Variants in SNX29 observed in about 807,000 individuals in gnomAD.
SNX29 encodes the protein sorting nexin-29.
In SNX29, 78 loss-of-function variants were observed where a neutral mutation model predicts 102.1. That is an observed-to-expected ratio of 0.76 (90% confidence interval 0.64 to 0.92). The LOEUF (loss-of-function observed/expected upper bound fraction) is 0.92. Among genes scored for constraint, SNX29 ranks in the 40% least tolerant of loss-of-function variants. The probability of loss-of-function intolerance (pLI) is 0.00; values close to 1 mark genes in which losing one functional copy is unlikely to be tolerated. For missense variants in SNX29, 1,280 were observed against 1,061.7 expected, an observed-to-expected ratio of 1.21 and a Z score of -2.86; for synonymous variants, 580 against 414.5, an observed-to-expected ratio of 1.40 and a Z score of -4.85.
At chr16:12,044,043 T>C (rs765967335) in intron 5 of SNX29, among the ~76,000 whole-genome samples, 6 of 152,222 alleles carry the variant, frequency 3.9e-5, no homozygotes, top group Non-Finnish European at 5.9e-5. Context: ...CGTGAGCCAC[T>C]GTGGCTGGCC....
At chr16:12,113,751 A>G (rs2053584246) in intron 11 of SNX29, among the ~76,000 whole-genome samples, 1 of 152,180 alleles carries the variant, frequency 6.6e-6, no homozygotes, top group African/African-American at 2.4e-5. Flanking sequence ...AGGGCTTTAG[A>G]CGGGTCGGGG....
chr16:12,426,245 T>C (rs2151608429), intron 18 of SNX29, among the ~76,000 whole-genome samples: 1 of 152,308 alleles, frequency 6.6e-6, no homozygotes, highest in South Asian at 2.1e-4. Context: ...ACATCCATCA[T>C]GGGTCAGCTG....
intron 14 of SNX29, among the ~76,000 whole-genome samples, chr16:12,226,824 C>A (rs1243774101): frequency 2.6e-5 from 4 of 152,112 alleles, no homozygotes; most frequent in African/African-American, 9.7e-5. Flanking sequence ...ATTATCTGCC[C>A]ACCTTGGCCT....
chr16:12,085,705 C>G (rs1196057695), intron 11 of SNX29, among the ~76,000 whole-genome samples: 1 of 152,010 alleles, frequency 6.6e-6, no homozygotes, highest in Non-Finnish European at 1.5e-5. Flanking sequence ...AAAATAGAAG[C>G]TAGTAAAAGT....
chr16:12,067,953 C>T (rs147027811), intron 9 of SNX29, among the ~76,000 whole-genome samples: 1 of 152,232 alleles, frequency 6.6e-6, no homozygotes, highest in Non-Finnish European at 1.5e-5. Context: ...TACTTATGGC[C>T]CCAGCTCTTG....
At chr16:12,123,799 G>T (rs2054085232) in intron 11 of SNX29, among the ~76,000 whole-genome samples, 1 of 152,148 alleles carries the variant, frequency 6.6e-6, no homozygotes, top group Admixed American at 6.5e-5. Context: ...TTCTGGAAAG[G>T]GCTGGACAGT....
intron 16 of SNX29, among the ~76,000 whole-genome samples, chr16:12,380,870 TATCCATCCACCCACC>T (rs1249340294): frequency 8.2e-5 from 1 of 12,260 alleles, no homozygotes; most frequent in African/African-American, 2.1e-4. Context: ...ACCCACCATC[TATCCATCCACCCACC>T]ATCCATCCAC....
intron 20 of SNX29, among the ~76,000 whole-genome samples, chr16:12,561,572 C>G (rs1000160449): frequency 5.3e-5 from 8 of 152,140 alleles, no homozygotes; most frequent in Non-Finnish European, 7.4e-5. Context: ...TGAGGCTGTC[C>G]GATTAATGTC....
At chr16:11,990,277 T>G (rs1216063376) in intron 1 of SNX29, among the ~76,000 whole-genome samples, 3 of 152,260 alleles carry the variant, frequency 2.0e-5, no homozygotes, top group Admixed American at 6.5e-5. Flanking sequence ...GTTTTCAGCC[T>G]CTCTTGAAAA....
intron 18 of SNX29, among the ~76,000 whole-genome samples, chr16:12,468,608 T>G (rs781305319): frequency 1.5e-4 from 23 of 152,192 alleles, no homozygotes; most frequent in South Asian, 8.6e-4. Flanking sequence ...TGGGTGATTA[T>G]TGGCATCAGG....
intron 18 of SNX29, among the ~76,000 whole-genome samples, chr16:12,435,172 G>A (rs1300902760): frequency 1.3e-5 from 2 of 152,168 alleles, no homozygotes; most frequent in South Asian, 2.1e-4. Context: ...CTGCCTCTCC[G>A]TCTTTCTTCC....
rs773253386 is a variant in SNX29, at chr16:12,572,166, C to T, written c.*3537C>T. 694 of 981,300 alleles carry T rather than the reference C, an allele frequency of 7.1e-4. 1 individual carries two copies. Among genetic ancestry groups the T allele is most frequent in the Non-Finnish European group, 8.3e-4 (671 of 803,664 alleles). 60.8% of individuals were successfully genotyped at this position (981,300 alleles called of 1,614,324 possible). ...AGCTTATTAAGATCAATTTTGATAA[C>T]CATGTAATTTCTTAGAACCATGGCA... On this transcript the variant is annotated 3_prime_UTR_variant, in exon 21 of 21. Transcript: ENST00000566228.
At chr16:12,008,731 GTTTTTTT>G (rs57686878) in intron 3 of SNX29, among the ~76,000 whole-genome samples, 1 of 139,954 alleles carries the variant, frequency 7.1e-6, no homozygotes. Context: ...ATTGTATTTA[GTTTTTTT>G]TTTTTTTTTC....
intron 1 of SNX29, among the ~76,000 whole-genome samples, chr16:11,997,778 C>T (rs2056140525): frequency 6.6e-6 from 1 of 152,170 alleles, no homozygotes; most frequent in Non-Finnish European, 1.5e-5. Context: ...TGTACCCGGC[C>T]TTCTAGTAGG....
At chr16:12,511,212 C>T (rs1486307585) in intron 19 of SNX29, among the ~76,000 whole-genome samples, 1 of 152,032 alleles carries the variant, frequency 6.6e-6, no homozygotes, top group Non-Finnish European at 1.5e-5. Context: ...TTAGCAAAGC[C>T]GCAGGTCTCC....
chr16:12,204,658 A>G (rs1342041001), intron 14 of SNX29, among the ~76,000 whole-genome samples: 1 of 152,236 alleles, frequency 6.6e-6, no homozygotes, highest in East Asian at 1.9e-4. Flanking sequence ...AGTGGGAGGA[A>G]CTTGACAGAT....
intron 13 of SNX29, among the ~76,000 whole-genome samples, chr16:12,153,257 T>C (rs753903481): frequency 1.3e-4 from 20 of 151,950 alleles, no homozygotes; most frequent in Non-Finnish European, 2.8e-4. Flanking sequence ...AGCAAGACCC[T>C]GTCTCTGAAT....
At chr16:11,978,717 A>G (rs541135689) in intron 1 of SNX29, among the ~76,000 whole-genome samples, 148 of 152,304 alleles carry the variant, frequency 9.7e-4, no homozygotes, top group African/African-American at 3.4e-3. Context: ...TTAGCACAAG[A>G]GACAATGAAA....
At chr16:12,222,829 A>G (rs1407118688) in intron 14 of SNX29, among the ~76,000 whole-genome samples, 1 of 152,092 alleles carries the variant, frequency 6.6e-6, no homozygotes, top group Non-Finnish European at 1.5e-5. Context: ...TCAGACTCCC[A>G]AAGTGCTGGG....
Sources: gnomAD v4.1 joint callset for allele counts (sites outside exome capture counted in the v4.1 genomes callset) on GRCh38, gnomAD v4.1.1 for gene constraint, MANE v1.5 for transcripts, NCBI Gene and HGNC (gene_info 2026-07-23, HGNC 2026-07-21) for gene names.